SAMMSON: variants seen among roughly 807,000 people sequenced by gnomAD.
SAMMSON encodes the protein long intergenic non-protein coding RNA 1212.
At chr3:70,227,328 C>G (rs1701517212) in intron 4 of SAMMSON, among the ~76,000 whole-genome samples, 1 of 152,180 alleles carries the variant, frequency 6.6e-6, no homozygotes, top group Non-Finnish European at 1.5e-5. Context: ...AACAGTCTCT[C>G]TAGTTTGTTT....
intron 3 of SAMMSON, among the ~76,000 whole-genome samples, chr3:70,070,799 G>A (rs373851559): frequency 1.6e-4 from 24 of 152,080 alleles, no homozygotes; most frequent in Admixed American, 3.3e-4. Flanking sequence ...GAAAGACATC[G>A]TCTTATATTA....
chr3:70,163,862 C>G (rs759186932), intron 4 of SAMMSON, among the ~76,000 whole-genome samples: 3 of 151,988 alleles, frequency 2.0e-5, no homozygotes, highest in Non-Finnish European at 4.4e-5. Flanking sequence ...GCACTAGCTA[C>G]CAAACACTAG....
In SAMMSON at chr3:70,043,515, C is replaced by G. The variant is rs951837876; in HGVS notation, n.418-27961C>G. On this transcript the variant is annotated intron_variant and non_coding_transcript_variant, in intron 3 of 9. Transcript: ENST00000642114. Reference sequence around the variant, plus strand: ...ATCACAAGGGAACAGAATTGTGCCACCAGACTGTGGTAGTTGTTTATTTTT... The same window carrying G: ...ATCACAAGGGAACAGAATTGTGCCAGCAGACTGTGGTAGTTGTTTATTTTT... 7.2e-4 allele frequency among the ~76,000 whole-genome samples: 110 copies of G among 152,098 alleles called. 1 individual carries two copies. Among genetic ancestry groups the G allele is most frequent in the South Asian group, 6.2e-4 (3 of 4,822 alleles).
At chr3:70,260,189 T>G (rs1701852677) in intron 6 of SAMMSON, among the ~76,000 whole-genome samples, 1 of 152,162 alleles carries the variant, frequency 6.6e-6, no homozygotes, top group Non-Finnish European at 1.5e-5. Flanking sequence ...TCTTCCTAAC[T>G]TCTAGTGGTT....
At position 70,398,432 on chromosome 3, in the gene SAMMSON, C is replaced by T. The variant is rs570470786; in HGVS notation, n.233+40108C>T. Among the ~76,000 whole-genome samples, 68 of 152,154 alleles carry T rather than the reference C, an allele frequency of 4.5e-4. 1 individual carries two copies. The highest frequency in any genetic ancestry group is 7.9e-4 in the Non-Finnish European group (54 of 68,024). ...AAAACTGGTTTCTTAAACAAATCAGCATAAAAATTTCTAAAGCACTGTATT... is the reference window on the plus strand; with the variant it reads ...AAAACTGGTTTCTTAAACAAATCAGTATAAAAATTTCTAAAGCACTGTATT... On this transcript the variant is annotated intron_variant and non_coding_transcript_variant, in intron 2 of 3. Transcript: ENST00000641053.
chr3:70,224,313 A>G (rs1701484710), intron 4 of SAMMSON, among the ~76,000 whole-genome samples: 1 of 152,200 alleles, frequency 6.6e-6, no homozygotes, highest in Admixed American at 6.5e-5. Flanking sequence ...GGATAAATCC[A>G]ATACATTTGG....
intron 3 of SAMMSON, among the ~76,000 whole-genome samples, chr3:70,025,992 T>C (rs1202581732): frequency 6.6e-6 from 1 of 152,082 alleles, no homozygotes; most frequent in African/African-American, 2.4e-5. Context: ...CAGCATATAA[T>C]TGGACCCATG....
At chr3:70,023,475 T>C (rs2067024305) in intron 3 of SAMMSON, among the ~76,000 whole-genome samples, 1 of 151,018 alleles carries the variant, frequency 6.6e-6, no homozygotes, top group Non-Finnish European at 1.5e-5. Context: ...AAAAAAAAAG[T>C]TTCTTTATTT....
chr3:70,008,956 T>A (rs1225829379), intron 1 of SAMMSON, among the ~76,000 whole-genome samples: 1 of 152,226 alleles, frequency 6.6e-6, no homozygotes, highest in Non-Finnish European at 1.5e-5. Context: ...GATTTGCATA[T>A]GTTGAACCAG....
intron 4 of SAMMSON, among the ~76,000 whole-genome samples, chr3:70,106,657 C>A (rs1037988001): frequency 2.0e-5 from 3 of 151,974 alleles, no homozygotes; most frequent in Non-Finnish European, 4.4e-5. Context: ...GCATTTGTAA[C>A]AAGCTCCCAG....
At chr3:70,384,803 A>C (rs1403328321) in intron 9 of SAMMSON, among the ~76,000 whole-genome samples, 2 of 152,078 alleles carry the variant, frequency 1.3e-5, no homozygotes, top group Non-Finnish European at 2.9e-5. Context: ...CTATAAAATA[A>C]GGATTTTTTT....
chr3:70,399,210 T>C (rs1368210750), intron 2 of SAMMSON, among the ~76,000 whole-genome samples: 1 of 152,144 alleles, frequency 6.6e-6, no homozygotes, highest in Non-Finnish European at 1.5e-5. Context: ...GTTGTTTATT[T>C]CCGTTTTAGA....
chr3:70,405,680 A>G (rs1701172071), intron 2 of SAMMSON, among the ~76,000 whole-genome samples: 1 of 152,200 alleles, frequency 6.6e-6, no homozygotes, highest in Admixed American at 6.5e-5. Flanking sequence ...GAAGATAATA[A>G]ACAGAGACTC....
intron 3 of SAMMSON, among the ~76,000 whole-genome samples, chr3:70,040,991 T>C (rs2067104363): frequency 6.6e-6 from 1 of 152,230 alleles, no homozygotes; most frequent in Admixed American, 6.5e-5. Context: ...TGCTAAACTC[T>C]CAGCGAGCTC....
chr3:70,292,202 A>G (rs1702245305), intron 7 of SAMMSON, among the ~76,000 whole-genome samples: 1 of 152,214 alleles, frequency 6.6e-6, no homozygotes, highest in Admixed American at 6.5e-5. Context: ...TATGAATTGG[A>G]GATAATAATA....
chr3:70,226,653 G>T (rs1440039978), intron 4 of SAMMSON, among the ~76,000 whole-genome samples: 1 of 150,948 alleles, frequency 6.6e-6, no homozygotes, highest in Non-Finnish European at 1.5e-5. Flanking sequence ...CAGGAGAATT[G>T]CTTGAGCCTG....
chr3:70,092,508 A>G (rs1427704888), intron 4 of SAMMSON, among the ~76,000 whole-genome samples: 1 of 151,294 alleles, frequency 6.6e-6, no homozygotes, highest in Non-Finnish European at 1.5e-5. Context: ...ATCATATGAC[A>G]TGATCATCTC....
chr3:70,336,701 C>A (rs886291687), intron 7 of SAMMSON, among the ~76,000 whole-genome samples: 1 of 151,862 alleles, frequency 6.6e-6, no homozygotes, highest in African/African-American at 2.4e-5. Context: ...AGTAGTTGAA[C>A]TTACTAGCAA....
chr3:70,086,369 T>C (rs1691135919), intron 4 of SAMMSON, among the ~76,000 whole-genome samples: 1 of 152,236 alleles, frequency 6.6e-6, no homozygotes, highest in African/African-American at 2.4e-5. Context: ...TTTGGGTATT[T>C]TCAAAGGGAT....
Sources: allele counts gnomAD v4.1 joint callset (sites outside exome capture counted in the v4.1 genomes callset), GRCh38; gene constraint gnomAD v4.1.1; transcripts MANE v1.5; gene names NCBI Gene and HGNC (gene_info 2026-07-23, HGNC 2026-07-21).